SH3RF1: variants seen among roughly 807,000 people sequenced by gnomAD.
SH3RF1 encodes E3 ubiquitin-protein ligase SH3RF1.
SH3RF1 carries 32 observed loss-of-function variants against 74.0 expected under a neutral mutation model. That is an observed-to-expected ratio of 0.43 (90% CI 0.33 to 0.58). The LOEUF (loss-of-function observed/expected upper bound fraction) is 0.58. Among genes scored for constraint, SH3RF1 ranks in the 20% least tolerant of loss-of-function variants. The probability of loss-of-function intolerance (pLI) is 0.05; values close to 1 mark genes in which losing one functional copy is unlikely to be tolerated. For synonymous variants in SH3RF1, 396 were observed against 439.6 expected (o/e 0.90, Z 1.24); for missense variants, 954 against 1,130.9 (o/e 0.84, Z 2.24).
chr4:169,161,633 T>C (rs1237739506), intron 2 of SH3RF1, among the ~76,000 whole-genome samples: 2 of 152,210 alleles, frequency 1.3e-5, no homozygotes, highest in Non-Finnish European at 2.9e-5. Context: ...CATTTCTTAC[T>C]GCTCCATAAA....
intron 8 of SH3RF1, among the ~76,000 whole-genome samples, chr4:169,118,158 C>T (rs1408831516): frequency 2.0e-5 from 3 of 152,216 alleles, no homozygotes; most frequent in Non-Finnish European, 4.4e-5. Context: ...TATCTTTGCT[C>T]CTGTTTCCTG....
intron 4 of SH3RF1, among the ~76,000 whole-genome samples, chr4:169,144,800 G>A (rs1733845808): frequency 6.6e-6 from 1 of 151,824 alleles, no homozygotes. Flanking sequence ...AACCTCCTGA[G>A]TTTACATCTT....
intron 2 of SH3RF1, among the ~76,000 whole-genome samples, chr4:169,221,197 GCAAGT>G (rs1234628439): frequency 3.9e-5 from 6 of 152,260 alleles, no homozygotes; most frequent in East Asian, 1.9e-4. Flanking sequence ...AAAACCGCAG[GCAAGT>G]CAAGTAGTGA....
intron 2 of SH3RF1, among the ~76,000 whole-genome samples, chr4:169,197,057 G>A (rs983901313): frequency 2.6e-5 from 4 of 151,964 alleles, no homozygotes; most frequent in Non-Finnish European, 5.9e-5. Flanking sequence ...CCAGGCTGGA[G>A]AGCAGTGGCA....
chr4:169,099,107 T>A (rs1732975930), intron 11 of SH3RF1, among the ~76,000 whole-genome samples: 1 of 152,234 alleles, frequency 6.6e-6, no homozygotes, highest in African/African-American at 2.4e-5. Flanking sequence ...TTGATATCTT[T>A]ATTTTGAGAC....
chr4:169,157,584 C>T (rs1734080594), intron 2 of SH3RF1, among the ~76,000 whole-genome samples: 1 of 152,132 alleles, frequency 6.6e-6, no homozygotes, highest in African/African-American at 2.4e-5. Flanking sequence ...AGATCTTTGG[C>T]CTCTCTGAGC....
chr4:169,154,497 G>A (rs527481667), intron 4 of SH3RF1, among the ~76,000 whole-genome samples: 16 of 152,212 alleles, frequency 1.1e-4, no homozygotes, highest in Admixed American at 6.5e-4. Context: ...CTTAAGATCC[G>A]TGCTTTGATA....
At chr4:169,163,309 GT>G (rs964407023) in intron 2 of SH3RF1, among the ~76,000 whole-genome samples, 11 of 151,340 alleles carry the variant, frequency 7.3e-5, no homozygotes, top group African/African-American at 2.4e-4. Flanking sequence ...TTCATTAAAT[GT>G]TTTTTTCTAG....
At chr4:169,124,979 T>C (rs1733500772) in intron 6 of SH3RF1, among the ~76,000 whole-genome samples, 1 of 139,208 alleles carries the variant, frequency 7.2e-6, no homozygotes, top group South Asian at 2.1e-4. Context: ...AGGCCAAGTA[T>C]ACACTCTCTA....
chr4:169,230,649 A>C (rs1190951323), intron 2 of SH3RF1, among the ~76,000 whole-genome samples: 1 of 152,146 alleles, frequency 6.6e-6, no homozygotes, highest in Non-Finnish European at 1.5e-5. Context: ...ACCTGAGGTC[A>C]GGAGTTCAAG....
At chr4:169,188,076 A>G (rs574343577) in intron 2 of SH3RF1, among the ~76,000 whole-genome samples, 1 of 152,172 alleles carries the variant, frequency 6.6e-6, no homozygotes, top group South Asian at 2.1e-4. Flanking sequence ...AGAAAGAAGA[A>G]GGGATTCTTC....
chr4:169,131,533 G>A (rs534877168), intron 5 of SH3RF1, among the ~76,000 whole-genome samples: 4 of 152,310 alleles, frequency 2.6e-5, no homozygotes, highest in South Asian at 2.1e-4. Flanking sequence ...CTAACGGGAA[G>A]CACACTGGTT....
At chr4:169,107,227 C>A in intron 10 of SH3RF1, 22 bp from the exon 11 acceptor site, 3 of 1,513,814 alleles carry the variant, frequency 2.0e-6, no homozygotes, top group Non-Finnish European at 2.7e-6. Context: ...AAATAATGAG[C>A]CTTAGTTGGA....
chr4:169,112,650 T>G (rs963750069), intron 10 of SH3RF1, among the ~76,000 whole-genome samples: 1 of 152,152 alleles, frequency 6.6e-6, no homozygotes, highest in South Asian at 2.1e-4. Flanking sequence ...TGGCTCAAAT[T>G]TTTAAAGGGC....
chr4:169,258,511 T>G (rs1731225650), intron 2 of SH3RF1, among the ~76,000 whole-genome samples: 1 of 152,098 alleles, frequency 6.6e-6, no homozygotes, highest in African/African-American at 2.4e-5. Flanking sequence ...AAGACAGGAA[T>G]GAAAATAATA....
intron 5 of SH3RF1, among the ~76,000 whole-genome samples, chr4:169,133,634 C>T (rs35346763): frequency 0.1 from 14,963 of 148,814 alleles, 928 homozygotes; most frequent in South Asian, 0.17. Context: ...AAAAACTAGC[C>T]GGGTGTGGTG....
At chr4:169,154,696 C>G (rs1333526218) in intron 4 of SH3RF1, among the ~76,000 whole-genome samples, 1 of 152,204 alleles carries the variant, frequency 6.6e-6, no homozygotes, top group African/African-American at 2.4e-5. Context: ...TTACCAGAAG[C>G]CTTCCATGGC....
At chr4:169,251,128 T>C (rs776403199) in intron 2 of SH3RF1, among the ~76,000 whole-genome samples, 4 of 152,190 alleles carry the variant, frequency 2.6e-5, no homozygotes, top group Non-Finnish European at 4.4e-5. Flanking sequence ...TCACACTAAC[T>C]GAGGTTCAAG....
intron 10 of SH3RF1, among the ~76,000 whole-genome samples, chr4:169,108,088 G>A (rs762355790): frequency 3.6e-4 from 55 of 152,278 alleles, no homozygotes; most frequent in Non-Finnish European, 5.9e-4. Flanking sequence ...CCTTCATTCT[G>A]AAACCTTAAG....
Sources: gnomAD v4.1 joint callset for allele counts (sites outside exome capture counted in the v4.1 genomes callset) on GRCh38, gnomAD v4.1.1 for gene constraint, MANE v1.5 for transcripts, NCBI Gene and HGNC (gene_info 2026-07-23, HGNC 2026-07-21) for gene names.